Variants in NT5DC1 observed in about 807,000 individuals in gnomAD.
NT5DC1 encodes 5'-nucleotidase domain containing 1.
NT5DC1 carries 42 observed loss-of-function variants against 59.4 expected under a neutral mutation model. The observed-to-expected ratio is 0.71, with a 90% CI of 0.55 to 0.92. The LOEUF (loss-of-function observed/expected upper bound fraction) is 0.92, where lower values mean the gene tolerates loss of function less well. Among genes scored for constraint, NT5DC1 ranks in the 40% least tolerant of loss-of-function variants. The pLI, the probability that NT5DC1 is intolerant of heterozygous loss-of-function variation, is 0.00. For synonymous variants in NT5DC1, 172 were observed against 188.1 expected (o/e 0.91, Z 0.70); for missense variants, 501 against 537.1 (o/e 0.93, Z 0.66).
intron 6 of NT5DC1, among the ~76,000 whole-genome samples, chr6:116,124,438 A>G (rs186464011): frequency 2.6e-5 from 4 of 152,180 alleles, no homozygotes; most frequent in African/African-American, 9.7e-5. Context: ...TTAGTGCTTT[A>G]CATATATTAT....
intron 6 of NT5DC1, chr6:116,121,499 C>T: frequency 6.2e-7 from 1 of 1,614,164 alleles, no homozygotes; most frequent in South Asian, 1.1e-5. Context: ...ACCCTGAGGG[C>T]CTGGAAGACC....
At chr6:116,125,528 A>C in intron 6 of NT5DC1, 1 of 1,607,180 alleles carries the variant, frequency 6.2e-7, no homozygotes, top group Non-Finnish European at 8.5e-7. Context: ...GAAAAGAATA[A>C]CTTTATACAG....
At chr6:116,140,773 A>G (rs1290567596) in intron 6 of NT5DC1, among the ~76,000 whole-genome samples, 1 of 152,142 alleles carries the variant, frequency 6.6e-6, no homozygotes, top group Non-Finnish European at 1.5e-5. Flanking sequence ...TTTTTGATGT[A>G]ACATTGTGTT....
chr6:116,191,769 T>C (rs796937239), intron 6 of NT5DC1, among the ~76,000 whole-genome samples: 29 of 152,180 alleles, frequency 1.9e-4, no homozygotes, highest in African/African-American at 6.7e-4. Context: ...TCCTAATACT[T>C]CAATCCTTAA....
At chr6:116,219,961 CAAAAAAAAAAAAA>C (rs1170500016) in intron 6 of NT5DC1, among the ~76,000 whole-genome samples, 1 of 36,246 alleles carries the variant, frequency 2.8e-5, no homozygotes, top group East Asian at 9.1e-4. Flanking sequence ...GACTCTGTCT[CAAAAAAAAAAAAA>C]AAAAAAAAAA....
At chr6:116,232,423 C>T (rs939226611) in intron 8 of NT5DC1, among the ~76,000 whole-genome samples, 20 of 151,734 alleles carry the variant, frequency 1.3e-4, no homozygotes, top group African/African-American at 3.9e-4. Flanking sequence ...TACTCATATT[C>T]GTATTTGCTT....
At chr6:116,121,433 G>A in intron 6 of NT5DC1, 1 of 1,614,080 alleles carries the variant, frequency 6.2e-7, no homozygotes, top group South Asian at 1.1e-5. Context: ...TGGCTGTCCT[G>A]GAACCCCATT....
intron 6 of NT5DC1, among the ~76,000 whole-genome samples, chr6:116,138,523 T>A (rs183500161): frequency 6.6e-6 from 1 of 152,324 alleles, no homozygotes; most frequent in African/African-American, 2.4e-5. Context: ...TAGTTCAGAA[T>A]TTGCTAATTA....
chr6:116,158,039 A>G (rs1457314573), intron 6 of NT5DC1, among the ~76,000 whole-genome samples: 2 of 152,244 alleles, frequency 1.3e-5, no homozygotes, highest in Non-Finnish European at 2.9e-5. Flanking sequence ...CTTAAAAAGA[A>G]AAAGCATCAC....
At chr6:116,113,615 C>T (rs557808938) in intron 4 of NT5DC1, among the ~76,000 whole-genome samples, 1 of 152,326 alleles carries the variant, frequency 6.6e-6, no homozygotes, top group East Asian at 1.9e-4. Flanking sequence ...CTTGTGTCCA[C>T]ACAGCGGACA....
Position 116,158,094 on chromosome 6 carries a change from C to T in NT5DC1, c.529+40149C>T, listed in dbSNP as rs1232995304. Among the ~76,000 whole-genome samples the T allele has an allele frequency of 2.0e-5, 3 of 152,266 alleles. No homozygotes were observed. In the East Asian group the frequency reaches 5.8e-4, roughly 29 times the overall value. On this transcript the variant is annotated intron_variant, in intron 6 of 11. Transcript: ENST00000319550. ...TCAAAAAGTCAATTTCTCTGAACTACAAGAACTTTCTAGTTTCAATAGCTA... is the reference window on the plus strand; with the variant it reads ...TCAAAAAGTCAATTTCTCTGAACTATAAGAACTTTCTAGTTTCAATAGCTA...
chr6:116,121,841 C>T (rs761767424), intron 6 of NT5DC1: 2 of 1,613,950 alleles, frequency 1.2e-6, no homozygotes, highest in Non-Finnish European at 1.7e-6. Flanking sequence ...CCCTGGCTCT[C>T]CTTGGAGTCC....
chr6:116,120,390 A>G (rs775537600), intron 6 of NT5DC1: 2 of 1,614,148 alleles, frequency 1.2e-6, no homozygotes, highest in Admixed American at 3.3e-5. Context: ...TGCCTGTTAT[A>G]CAAAATTTTA....
chr6:116,221,195 A>T lies in NT5DC1; in HGVS notation c.671A>T (p.Asp224Val). The T allele has an allele frequency of 1.9e-6, 3 of 1,601,776 alleles. No homozygotes were observed. The highest frequency in any genetic ancestry group is 2.6e-6 in the Non-Finnish European group (3 of 1,169,386). The change falls in exon 7 of 12, where the codon GAT becomes GTT. Residue 224 changes from aspartate to valine, a missense_variant. Physicochemically the swap from Asp to Val is radical, Grantham distance 152. Coordinates refer to ENST00000319550, the MANE Select transcript of NT5DC1 (RefSeq NM_152729.3). ...ILLLITSSHS[D>V]YCRLLCEYIL... The stretch of plus-strand genomic sequence containing the variant: ...CTGTTAATTACCAGTTCTCACAGTG[A>T]TTACTGTAGACTTCTCTGCGAATAT...
intron 6 of NT5DC1, among the ~76,000 whole-genome samples, chr6:116,182,220 A>AGTGT (rs773607683): frequency 1.2e-5 from 1 of 85,224 alleles, no homozygotes; most frequent in Non-Finnish European, 2.1e-5. Context: ...TATTCCATGG[A>AGTGT]GAGTGTGTGT....
At chr6:116,177,721 T>G (rs1420218872) in intron 6 of NT5DC1, among the ~76,000 whole-genome samples, 1 of 152,080 alleles carries the variant, frequency 6.6e-6, no homozygotes, top group African/African-American at 2.4e-5. Flanking sequence ...TATTACTAAA[T>G]AATCTAAGTA....
Position 116,245,014 on chromosome 6 carries a change from A to G in NT5DC1, c.*990A>G, listed in dbSNP as rs1771815073. 1 of 147,770 alleles carries G rather than the reference A, an allele frequency of 6.8e-6. No individual in the cohort carries two copies. The highest frequency in any genetic ancestry group is 2.4e-5 in the African/African-American group (1 of 41,266). 9.2% of individuals were successfully genotyped at this position (147,770 alleles called of 1,614,324 possible). On this transcript the variant is annotated 3_prime_UTR_variant, in exon 12 of 12. Transcript: ENST00000319550. ...CTTAGTATTAATTTATCTCATTGGG[A>G]AGAAATTTGTAGTTAAAACTATTTA...
At chr6:116,122,071 TATTCC>T in intron 6 of NT5DC1, 2 of 959,090 alleles carry the variant, frequency 2.1e-6, no homozygotes, top group Non-Finnish European at 3.3e-6. Flanking sequence ...CAGCATCATT[TATTCC>T]ATGTAGACAG....
intron 6 of NT5DC1, among the ~76,000 whole-genome samples, chr6:116,204,996 T>C (rs1350666818): frequency 6.6e-6 from 1 of 151,988 alleles, no homozygotes; most frequent in African/African-American, 2.4e-5. Context: ...ATTGGAAAGA[T>C]ACACACCAAA....
Sources: allele counts gnomAD v4.1 joint callset (sites outside exome capture counted in the v4.1 genomes callset), GRCh38; gene constraint gnomAD v4.1.1; transcripts MANE v1.5; gene names NCBI Gene and HGNC (gene_info 2026-07-23, HGNC 2026-07-21).